GGT1: variants seen among roughly 807,000 people sequenced by gnomAD.
GGT1 encodes glutathione hydrolase 1 proenzyme.
GGT1 carries 21 observed loss-of-function variants against 56.0 expected under a neutral mutation model. That is an observed-to-expected ratio of 0.38 (90% confidence interval 0.27 to 0.54). GGT1 has a LOEUF of 0.54. GGT1 is among the 20% of genes least tolerant of loss of function. The probability of loss-of-function intolerance (pLI) is 0.82; values close to 1 mark genes in which losing one functional copy is unlikely to be tolerated. For synonymous variants in GGT1, 238 were observed against 342.6 expected (o/e 0.69, Z 3.37); for missense variants, 466 against 787.0 (o/e 0.59, Z 4.88).
chr22:24,626,248 G>A (rs1393704384), intron 11 of GGT1, among the ~76,000 whole-genome samples: 2 of 148,880 alleles, frequency 1.3e-5, no homozygotes, highest in East Asian at 3.9e-4. Context: ...CTCCCAAAGT[G>A]CTGGGATTAC....
intron 1 of GGT1, among the ~76,000 whole-genome samples, chr22:24,596,018 CTA>C (rs746464751): frequency 2.0e-5 from 3 of 152,194 alleles, no homozygotes; most frequent in African/African-American, 7.2e-5. Flanking sequence ...GATGGATACT[CTA>C]TGGAGACAGA....
chr22:24,612,774 G>A (rs2046802675), intron 5 of GGT1, among the ~76,000 whole-genome samples: 1 of 152,048 alleles, frequency 6.6e-6, no homozygotes, highest in Non-Finnish European at 1.5e-5. Context: ...TGATCCGCCT[G>A]CCTTGGCCTC....
chr22:24,592,433 G>A (rs2045597544), upstream of GGT1: 2 of 470,462 alleles, frequency 4.3e-6, no homozygotes, highest in South Asian at 1.6e-5. Context: ...CCTGGAGGAG[G>A]GGGAAGTTAC....
At chr22:24,626,971 C>T (rs2047826172) in intron 11 of GGT1, among the ~76,000 whole-genome samples, 1 of 150,976 alleles carries the variant, frequency 6.6e-6, no homozygotes, top group Admixed American at 6.6e-5. Flanking sequence ...TCACACGTTG[C>T]CTCCTCTGAG....
At chr22:24,593,625 A>G (rs2045636886), upstream of GGT1, among the ~76,000 whole-genome samples, 1 of 152,024 alleles carries the variant, frequency 6.6e-6, no homozygotes, top group Non-Finnish European at 1.5e-5. Flanking sequence ...ATTTTTATTG[A>G]AAATACAAAA....
At chr22:24,585,830 T>A in the GGT1 span, 2 of 1,464,672 alleles carry the variant, frequency 1.4e-6, no homozygotes, top group South Asian at 2.7e-5. Context: ...CATCGCCCAC[T>A]ATCATGTGCT....
At chr22:24,592,599 G>T, upstream of GGT1, 1 of 512,280 alleles carries the variant, frequency 2.0e-6, no homozygotes, top group Middle Eastern at 3.4e-4. Flanking sequence ...CAAAGACCCG[G>T]ACACACTCAG....
chr22:24,594,202 A>G (rs921001461), upstream of GGT1, among the ~76,000 whole-genome samples: 3 of 151,782 alleles, frequency 2.0e-5, no homozygotes, highest in African/African-American at 7.3e-5. Flanking sequence ...GGGCCCCTGC[A>G]GCCCCAATCC....
At chr22:24,601,117 C>T (rs1022805339), upstream of GGT1, among the ~76,000 whole-genome samples, 1 of 152,146 alleles carries the variant, frequency 6.6e-6, no homozygotes, top group African/African-American at 2.4e-5. Context: ...ACAAAATGTC[C>T]TGGATAATAT....
Position 24,628,362 on chromosome 22 carries a change from A to G in GGT1, c.1537A>G (p.Thr513Ala), listed in dbSNP as rs1368451683. Residue 513 changes from threonine to alanine, a missense_variant, in exon 15 of 16, where the codon ACG becomes GCG. Around this residue, in one of 2 missense-constraint regions of GGT1, gnomAD observed 456 missense variants for 716.7 expected, o/e 0.64. Coordinates refer to ENST00000400382, the MANE Select transcript of GGT1 (RefSeq NM_001288833.2). This position sits in a 1 kb window ranked among gnomAD's most constrained non-coding sequence, Gnocchi z 5.7. ...GCACAACCAGCTTCTGCCCAACGTCACGACAGTGGAGAGAAACATTGACCA... is the reference window on the plus strand; with the variant it reads ...GCACAACCAGCTTCTGCCCAACGTCGCGACAGTGGAGAGAAACATTGACCA... ...RLHNQLLPNV[T>A]TVERNIDQAV... is the part of the protein sequence containing the mutation. The G allele has an allele frequency of 1.2e-6, 2 of 1,611,450 alleles. No individual in the cohort carries two copies. The highest frequency in any genetic ancestry group is 2.2e-5 in the East Asian group (1 of 44,874).
chr22:24,611,276 C>G (rs776399618), intron 5 of GGT1, 31 bp downstream of exon 5: 2 of 1,387,296 alleles, frequency 1.4e-6, no homozygotes, highest in Non-Finnish European at 2.0e-6. Flanking sequence ...GACATGGGCC[C>G]TGAAAACTGG....
In GGT1 at chr22:24,597,525, A is replaced by G. The variant is rs577553034; in HGVS notation, c.-324+2639A>G. Among the ~76,000 whole-genome samples, 12 of 152,216 alleles carry G rather than the reference A, an allele frequency of 7.9e-5. No homozygotes were observed. The South Asian group carries it at 2.5e-3, about 32-fold the overall frequency. ...CCCCATCTTCACTAAAAAATACAAA[A>G]CAAAAATTAGCTGGGTATGGTGGCA... is the stretch of plus-strand genomic sequence containing the variant. On this transcript the variant is annotated intron_variant, in intron 1 of 6. Coordinates refer to the GGT1 transcript ENST00000411974.
intron 6 of GGT1, 62 bp from the exon 7 acceptor site, chr22:24,614,979 C>T: frequency 1.3e-6 from 2 of 1,579,334 alleles, no homozygotes; most frequent in Non-Finnish European, 1.7e-6. Flanking sequence ...TGGGCGGTCC[C>T]CAGGCTCACG....
Position 24,628,568 on chromosome 22 carries a change from A to C in GGT1, c.1564-125A>C. ...GCTCCAGTGAGACCCAGCAGGCCCCAACCTGCTCTTCCTGATGACCTGGCC... is the reference window on the plus strand; with the variant it reads ...GCTCCAGTGAGACCCAGCAGGCCCCCACCTGCTCTTCCTGATGACCTGGCC... On this transcript the variant is annotated intron_variant, in intron 15 of 15. Coordinates refer to ENST00000400382, the MANE Select transcript of GGT1 (RefSeq NM_001288833.2). This position sits in a 1 kb window ranked among gnomAD's most constrained non-coding sequence, Gnocchi z 5.7. 2 of 1,055,478 alleles carry C rather than the reference A, an allele frequency of 1.9e-6. No homozygotes were observed. Among genetic ancestry groups the C allele is most frequent in the Non-Finnish European group, 2.8e-6 (2 of 717,064 alleles). The allele number at this position is 1,055,478 out of a possible 1,614,324, so 65.4% of individuals were successfully genotyped here. A position where few individuals can be genotyped will look rare whatever the true frequency, so the allele number is the denominator to read the frequency against.
chr22:24,606,064 AATTTATAT>A, intron 1 of GGT1, among the ~76,000 whole-genome samples: 6 of 98,010 alleles, frequency 6.1e-5, no homozygotes, highest in African/African-American at 1.5e-4. Context: ...ATATTTATAT[AATTTATAT>A]AATATATCAT....
upstream of GGT1, chr22:24,590,073 G>T: frequency 8.4e-7 from 1 of 1,194,792 alleles, no homozygotes; most frequent in East Asian, 2.8e-5. Flanking sequence ...AAGGCTGGCT[G>T]GATTCTCCCC....
rs1199152596 is a variant in GGT1 at position 24,605,035 on chromosome 22, TAAAATATGTA to T, written c.-429+1510_-429+1519del. 5.0e-4 allele frequency among the ~76,000 whole-genome samples: 43 copies of T among 85,294 alleles called. 8 individuals carry two copies. Among genetic ancestry groups the T allele is most frequent in the African/African-American group, 7.6e-4 (12 of 15,894 alleles). 56.0% of individuals were successfully genotyped at this position (85,294 alleles called of 152,430 possible). A position where few individuals can be genotyped will look rare whatever the true frequency, so the allele number is the denominator to read the frequency against. The stretch of plus-strand genomic sequence containing the variant: ...GAATCCTGTATGTCATATATATATA[TAAAATATGTA>T]ATATATTATATATTATATGTAATAT... On this transcript the variant is annotated intron_variant, in intron 1 of 15. Transcript: ENST00000400382.
chr22:24,628,087 A>G lies in GGT1; in HGVS notation c.1343A>G (p.Gln448Arg). ...CTTCTCCCATCGGCCGCAGGGAAGCAGCCGCTCTCGTCCATGTGCCCGACG... is the reference window on the plus strand; with the variant it reads ...CTTCTCCCATCGGCCGCAGGGAAGCGGCCGCTCTCGTCCATGTGCCCGACG... ...SPANFIQPGK[Q>R]PLSSMCPTIM... The change falls in exon 14 of 16, where the codon CAG (glutamine) becomes CGG (arginine). Residue 448 changes from glutamine to arginine, a missense_variant. Physicochemically the swap from Gln to Arg is conservative, Grantham distance 43 (BLOSUM62 1). Around this residue, in one of 2 missense-constraint regions of GGT1, gnomAD observed 456 missense variants for 716.7 expected, o/e 0.64. Coordinates refer to ENST00000400382, the MANE Select transcript of GGT1 (RefSeq NM_001288833.2). The surrounding 1 kb of genome is among the most constrained non-coding windows in gnomAD (Gnocchi z 5.7). 2 of 1,611,888 alleles carry G rather than the reference A, an allele frequency of 1.2e-6. No homozygotes were observed. The highest frequency in any genetic ancestry group is 1.7e-6 in the Non-Finnish European group (2 of 1,179,836).
At chr22:24,586,002 C>T in the GGT1 span, 59 of 1,610,726 alleles carry the variant, frequency 3.7e-5, no homozygotes, top group Middle Eastern at 1.6e-4. Flanking sequence ...TCCAGGCCCT[C>T]GTAGATGGTG....
Sources: allele counts gnomAD v4.1 joint callset (sites outside exome capture counted in the v4.1 genomes callset), GRCh38; gene constraint gnomAD v4.1.1; regional missense constraint gnomAD v4.1.1; non-coding constraint Gnocchi (gnomAD v3.1); transcripts MANE v1.5; gene names NCBI Gene and HGNC (gene_info 2026-07-23, HGNC 2026-07-21).